The following MAP3K20 variants were observed in gnomAD, a reference collection of about 807,000 sequenced individuals.
MAP3K20 encodes HCCS-4.
In MAP3K20, 40 loss-of-function variants were observed where a neutral mutation model predicts 85.7. The observed-to-expected ratio is 0.47, with a 90% confidence interval of 0.36 to 0.61. The LOEUF is 0.61. MAP3K20 is among the 20% of genes least tolerant of loss of function. The pLI, the probability that MAP3K20 is intolerant of heterozygous loss-of-function variation, is 0.00. For synonymous variants in MAP3K20, 325 were observed against 327.7 expected, an observed-to-expected ratio of 0.99 and a Z score of 0.09; for missense variants, 817 against 961.7, an observed-to-expected ratio of 0.85 and a Z score of 1.99.
At chr2:173,164,436 A>G (rs1042818149) in intron 2 of MAP3K20, among the ~76,000 whole-genome samples, 1 of 152,170 alleles carries the variant, frequency 6.6e-6, no homozygotes, top group Non-Finnish European at 1.5e-5. Flanking sequence ...TAAGTTCCTT[A>G]TAGATTCTGG....
At chr2:173,209,341 C>T (rs1475900444) in intron 9 of MAP3K20, among the ~76,000 whole-genome samples, 1 of 152,120 alleles carries the variant, frequency 6.6e-6, no homozygotes, top group Non-Finnish European at 1.5e-5. Context: ...ACTAACATCC[C>T]ACCACACACA....
intron 2 of MAP3K20, among the ~76,000 whole-genome samples, chr2:173,142,692 A>C (rs1689012412): frequency 6.6e-6 from 1 of 152,194 alleles, no homozygotes; most frequent in Admixed American, 6.5e-5. Flanking sequence ...TGATATACTA[A>C]GAAAAAAATT....
At chr2:173,103,076 A>T (rs533126675) in intron 2 of MAP3K20, among the ~76,000 whole-genome samples, 4 of 151,866 alleles carry the variant, frequency 2.6e-5, no homozygotes, top group African/African-American at 7.3e-5. Context: ...AAGAAAAGAA[A>T]AAAAGAAATA....
chr2:173,223,884 C>A (rs945596889), intron 11 of MAP3K20: 19 of 985,340 alleles, frequency 1.9e-5, no homozygotes, highest in Middle Eastern at 5.2e-4. Context: ...CTTGGGACTC[C>A]TGTCTTTCCA....
intron 2 of MAP3K20, among the ~76,000 whole-genome samples, chr2:173,146,790 C>T (rs1689151037): frequency 6.6e-6 from 1 of 152,080 alleles, no homozygotes; most frequent in African/African-American, 2.4e-5. Context: ...GAGGGTTTTC[C>T]ACAGCAGCTG....
rs184091374 is a variant in MAP3K20, at chr2:173,198,158, A to G, written c.669+46A>G. The G allele has an allele frequency of 1.3e-6, 2 of 1,537,734 alleles. No individual in the cohort carries two copies. Among genetic ancestry groups the G allele is most frequent in the East Asian group, 2.3e-5 (1 of 43,958 alleles). On this transcript the variant is annotated intron_variant, in intron 8 of 19. Transcript: ENST00000375213. The surrounding 1 kb of genome is among the most constrained non-coding windows in gnomAD (Gnocchi z 5.8). ...TCAGGTACATAGATCAGAAAACAGT[A>G]TTGGGGTTTTGCAAAAGACTTTTTC...
At chr2:173,157,076 G>A (rs1689499898) in intron 2 of MAP3K20, among the ~76,000 whole-genome samples, 1 of 152,166 alleles carries the variant, frequency 6.6e-6, no homozygotes, top group Non-Finnish European at 1.5e-5. Context: ...TCCTTTGTTA[G>A]CGAAAGGAAA....
chr2:173,195,519 CAAT>C (rs545502513), intron 7 of MAP3K20, among the ~76,000 whole-genome samples: 11 of 152,292 alleles, frequency 7.2e-5, no homozygotes, highest in South Asian at 2.1e-4. Flanking sequence ...TGAAAGATCA[CAAT>C]AATATTTGGC....
At chr2:173,247,518 G>A (rs755940424) in intron 16 of MAP3K20, among the ~76,000 whole-genome samples, 1 of 152,152 alleles carries the variant, frequency 6.6e-6, no homozygotes, top group African/African-American at 2.4e-5. Context: ...GTGAAGGGAA[G>A]TTTATTTCCA....
intron 2 of MAP3K20, among the ~76,000 whole-genome samples, chr2:173,169,155 GC>G (rs1327775133): frequency 6.6e-6 from 1 of 152,072 alleles, no homozygotes; most frequent in African/African-American, 2.4e-5. Context: ...TCTGGCTGTA[GC>G]CTCTCAGAAC....
chr2:173,260,385 G>T (rs1016677583), intron 17 of MAP3K20, among the ~76,000 whole-genome samples: 22 of 152,194 alleles, frequency 1.4e-4, no homozygotes, highest in African/African-American at 5.1e-4. Flanking sequence ...ACCTAGCCCA[G>T]CTAAATCTCT....
At chr2:173,175,395 G>A (rs6725795) in intron 3 of MAP3K20, among the ~76,000 whole-genome samples, 20,954 of 152,118 alleles carry the variant, frequency 0.14, 1,954 homozygotes, top group African/African-American at 0.26. Context: ...AGAGCCATTC[G>A]TAGGTTGCCG....
intron 3 of MAP3K20, among the ~76,000 whole-genome samples, chr2:173,181,096 A>G (rs753489252): frequency 6.6e-6 from 1 of 152,208 alleles, no homozygotes; most frequent in African/African-American, 2.4e-5. Context: ...TTGCTTAAGA[A>G]TATATAAAAG....
intron 9 of MAP3K20, chr2:173,209,498 G>T (rs1683806280): frequency 5.6e-6 from 2 of 357,088 alleles, no homozygotes; most frequent in East Asian, 9.3e-5. Flanking sequence ...CCACACGATA[G>T]AAAACAGCAT....
At chr2:173,183,134 T>A (rs1409664859) in intron 4 of MAP3K20, among the ~76,000 whole-genome samples, 179 bp downstream of exon 4, 1 of 152,208 alleles carries the variant, frequency 6.6e-6, no homozygotes, top group Non-Finnish European at 1.5e-5. Context: ...GCCTTTCCAC[T>A]CCTGAATTCC....
intron 10 of MAP3K20, among the ~76,000 whole-genome samples, chr2:173,214,785 A>G (rs1684020169): frequency 6.6e-6 from 1 of 152,242 alleles, no homozygotes; most frequent in Non-Finnish European, 1.5e-5. Flanking sequence ...CATTTAAACT[A>G]TATTTTTAGA....
chr2:173,264,429 C>T (rs1327652612), intron 19 of MAP3K20, among the ~76,000 whole-genome samples: 4 of 152,114 alleles, frequency 2.6e-5, no homozygotes, highest in Non-Finnish European at 5.9e-5. Context: ...AGTCATCACA[C>T]AAAGATATCA....
chr2:173,105,014 C>T (rs1193849387), intron 2 of MAP3K20, among the ~76,000 whole-genome samples: 1 of 152,116 alleles, frequency 6.6e-6, no homozygotes, highest in African/African-American at 2.4e-5. Context: ...GCCAGAGAGG[C>T]AATGAGGCCA....
At chr2:173,239,873 T>C (rs1294933588) in intron 16 of MAP3K20, among the ~76,000 whole-genome samples, 1 of 152,186 alleles carries the variant, frequency 6.6e-6, no homozygotes, top group Non-Finnish European at 1.5e-5. Flanking sequence ...AATGAAACTG[T>C]AGGCCATGTG....
Sources: allele counts gnomAD v4.1 joint callset (sites outside exome capture counted in the v4.1 genomes callset), GRCh38; gene constraint gnomAD v4.1.1; non-coding constraint Gnocchi (gnomAD v3.1); transcripts MANE v1.5; gene names NCBI Gene and HGNC (gene_info 2026-07-23, HGNC 2026-07-21).